The following SATL1 variants were observed in gnomAD, a reference collection of about 807,000 sequenced individuals.
SATL1 encodes the protein spermidine/spermine N(1)-acetyltransferase-like protein 1.
SATL1 carries 47 observed loss-of-function variants against 51.8 expected under a neutral mutation model. The observed-to-expected ratio is 0.91, with a 90% CI of 0.72 to 1.16. The LOEUF (loss-of-function observed/expected upper bound fraction) is 1.16, where lower values mean the gene tolerates loss of function less well. Among genes scored for constraint, SATL1 ranks in the 50% most tolerant of loss-of-function variants. SATL1 has a pLI of 0.00. For synonymous variants in SATL1, 176 were observed against 182.4 expected (o/e 0.97, Z 0.28); for missense variants, 520 against 526.4 (o/e 0.99, Z 0.12).
At chrX:85,120,001 A>C (rs1925469848) in intron 2 of SATL1, among the ~76,000 whole-genome samples, 1 of 112,245 alleles carries the variant, frequency 8.9e-6, no homozygotes, top group Non-Finnish European at 1.9e-5. Context: ...ACTTGTTCTC[A>C]CTTTGAGTCT....
At chrX:85,230,646 A>G (rs1341423501) in intron 1 of SATL1, among the ~76,000 whole-genome samples, 9 of 112,420 alleles carry the variant, frequency 8.0e-5, no homozygotes, top group African/African-American at 2.9e-4. Context: ...GGAATGAGAG[A>G]AAATATTTCT....
At chrX:85,136,406 C>T (rs959599746) in intron 2 of SATL1, among the ~76,000 whole-genome samples, 4 of 111,140 alleles carry the variant, frequency 3.6e-5, no homozygotes, top group Non-Finnish European at 7.5e-5. Context: ...CTAAGAAGTC[C>T]CAATGTTTAT....
At chrX:85,125,107 C>T (rs949695092) in intron 2 of SATL1, among the ~76,000 whole-genome samples, 2 of 110,339 alleles carry the variant, frequency 1.8e-5, no homozygotes, top group Non-Finnish European at 3.8e-5. Flanking sequence ...ATATTGCATA[C>T]CCAGGGTACT....
intron 2 of SATL1, among the ~76,000 whole-genome samples, chrX:85,205,805 G>T (rs1250262130): frequency 9.0e-6 from 1 of 111,657 alleles, no homozygotes; most frequent in African/African-American, 3.3e-5. Context: ...GGATGGTTTG[G>T]AAGGGGCCAT....
At chrX:85,239,586 C>T (rs1928545632) in intron 1 of SATL1, among the ~76,000 whole-genome samples, 2 of 111,665 alleles carry the variant, frequency 1.8e-5, no homozygotes, top group South Asian at 7.4e-4. Flanking sequence ...AGAGGAATCA[C>T]ACTACTTAAT....
chrX:85,114,301 A>G (rs1007945968), intron 2 of SATL1, among the ~76,000 whole-genome samples: 1 of 111,640 alleles, frequency 9.0e-6, no homozygotes, highest in African/African-American at 3.3e-5. Flanking sequence ...ACTCTGAAAA[A>G]AAGGATCAGC....
intron 2 of SATL1, among the ~76,000 whole-genome samples, chrX:85,182,954 C>T (rs775230317): frequency 1.7e-4 from 19 of 111,306 alleles, no homozygotes; most frequent in Non-Finnish European, 3.4e-4. Flanking sequence ...TGTTGAGATG[C>T]TTGAGTTCCT....
chrX:85,138,760 G>C (rs1183492472), intron 2 of SATL1, among the ~76,000 whole-genome samples: 1 of 111,305 alleles, frequency 9.0e-6, no homozygotes, highest in African/African-American at 3.3e-5. Flanking sequence ...AATGGGAGTA[G>C]AGAAAAGAAA....
At chrX:85,167,376 C>T (rs1002038724) in intron 2 of SATL1, among the ~76,000 whole-genome samples, 1 of 109,319 alleles carries the variant, frequency 9.1e-6, no homozygotes, top group African/African-American at 3.3e-5. Context: ...CCAAACACCA[C>T]TTGTTCCCCC....
intron 2 of SATL1, among the ~76,000 whole-genome samples, chrX:85,125,705 C>G (rs1024545351): frequency 9.3e-6 from 1 of 107,521 alleles, no homozygotes; most frequent in Admixed American, 1.0e-4. Flanking sequence ...CAGCACCATA[C>G]TATTCACTGT....
rs1927252002 is a variant in SATL1 at position 85,183,506 on chromosome X, T to C, written c.-313+40699A>G. Among the ~76,000 whole-genome samples, 3 of 111,674 alleles carry C rather than the reference T, an allele frequency of 2.7e-5. No individual in the cohort carries two copies. In the South Asian group the frequency reaches 1.1e-3, roughly 42 times the overall value. ...GTATATTTTGAATTTGGTAGTATGA[T>C]ACCTGAAAGCTCTGTTCTTTTTGCT... On this transcript the variant is annotated intron_variant, in intron 2 of 7. Coordinates refer to ENST00000644105, the MANE Select transcript of SATL1 (RefSeq NM_001367857.2).
intron 2 of SATL1, among the ~76,000 whole-genome samples, chrX:85,201,577 G>A (rs781286751): frequency 5.4e-5 from 6 of 111,291 alleles, no homozygotes; most frequent in Admixed American, 1.9e-4. Context: ...ATTAAACTCA[G>A]TACCCAAGAG....
intron 3 of SATL1, among the ~76,000 whole-genome samples, chrX:85,105,977 G>C (rs997831356): frequency 1.8e-5 from 2 of 111,937 alleles, no homozygotes; most frequent in African/African-American, 6.5e-5. Flanking sequence ...CCTTCAGATA[G>C]TTTCATTGAA....
intron 2 of SATL1, among the ~76,000 whole-genome samples, chrX:85,166,912 G>A (rs1290316400): frequency 2.1e-5 from 2 of 93,507 alleles, no homozygotes; most frequent in African/African-American, 8.4e-5. Context: ...TAAAGAAAAT[G>A]GGGTATATAT....
intron 2 of SATL1, among the ~76,000 whole-genome samples, chrX:85,195,318 T>C (rs946459584): frequency 9.0e-6 from 1 of 110,970 alleles, no homozygotes; most frequent in Non-Finnish European, 1.9e-5. Flanking sequence ...AAGCAGACAG[T>C]GGTAGACTGG....
intron 2 of SATL1, among the ~76,000 whole-genome samples, chrX:85,202,437 G>C (rs747903369): frequency 1.8e-5 from 2 of 111,557 alleles, no homozygotes; most frequent in African/African-American, 6.5e-5. Context: ...CCTCACAGTT[G>C]CAGCTCTGTT....
intron 2 of SATL1, among the ~76,000 whole-genome samples, chrX:85,158,850 T>C (rs1267704266): frequency 8.9e-6 from 1 of 112,010 alleles, no homozygotes; most frequent in Non-Finnish European, 1.9e-5. Context: ...ATTGACTTTA[T>C]TATATTTTCA....
At chrX:85,142,320 C>T (rs892067548) in intron 2 of SATL1, among the ~76,000 whole-genome samples, 1 of 101,537 alleles carries the variant, frequency 9.8e-6, no homozygotes, top group Non-Finnish European at 2.0e-5. Context: ...GGCGTGAACC[C>T]GGGAGGAAGA....
chrX:85,096,630 A>C (rs1441178538), intron 4 of SATL1, among the ~76,000 whole-genome samples: 1 of 111,651 alleles, frequency 9.0e-6, no homozygotes, highest in East Asian at 2.8e-4. Flanking sequence ...AAAGACACAG[A>C]ATCTTACACA....
Sources: allele counts gnomAD v4.1 joint callset (sites outside exome capture counted in the v4.1 genomes callset), GRCh38; gene constraint gnomAD v4.1.1; transcripts MANE v1.5; gene names NCBI Gene and HGNC (gene_info 2026-07-23, HGNC 2026-07-21).